RYR3: variants seen among roughly 807,000 people sequenced by gnomAD.
The protein encoded by RYR3 is brain ryanodine receptor-calcium release channel.
Under a neutral mutation model 584.3 loss-of-function variants are expected in RYR3, and 207 were observed. The ratio of observed to expected loss-of-function variants is 0.35; its 90% CI spans 0.32 to 0.40. The LOEUF (loss-of-function observed/expected upper bound fraction) is 0.40. Among genes scored for constraint, RYR3 ranks in the 10% least tolerant of loss-of-function variants. The pLI is 1.00. For synonymous variants in RYR3, 2,416 were observed against 2,248.5 expected (o/e 1.07, Z -2.11); for missense variants, 5,616 against 6,089.2 (o/e 0.92, Z 2.59).
At chr15:33,463,440 A>G (rs921425040) in intron 1 of RYR3, among the ~76,000 whole-genome samples, 2 of 152,104 alleles carry the variant, frequency 1.3e-5, no homozygotes, top group Non-Finnish European at 2.9e-5. Context: ...CAGTGTTACC[A>G]TTTTATAGAA....
At chr15:33,475,148 T>C (rs76447052) in intron 2 of RYR3, among the ~76,000 whole-genome samples, 1 of 152,214 alleles carries the variant, frequency 6.6e-6, no homozygotes, top group Non-Finnish European at 1.5e-5. Flanking sequence ...AACCATGAGC[T>C]ACTCATGTGA....
chr15:33,378,374 C>T (rs1470003977), intron 1 of RYR3, among the ~76,000 whole-genome samples: 1 of 152,164 alleles, frequency 6.6e-6, no homozygotes, highest in Non-Finnish European at 1.5e-5. Flanking sequence ...AGTGTTGCTT[C>T]CTGGGAGAAG....
At position 33,566,302 on chromosome 15, in the gene RYR3, A is replaced by G. The variant is rs190092841; in HGVS notation, c.1147-376A>G. ...GTCTTTTTCTTCAATTCATCTCTGGAGGAAAAGGCTTTGAACACAGTGACT... is the reference window on the plus strand; with the variant it reads ...GTCTTTTTCTTCAATTCATCTCTGGGGGAAAAGGCTTTGAACACAGTGACT... On this transcript the variant is annotated intron_variant, in intron 11 of 103. Coordinates refer to ENST00000634891, the MANE Select transcript of RYR3 (RefSeq NM_001036.6). 2.7e-3 allele frequency among the ~76,000 whole-genome samples: 404 copies of G among 152,338 alleles called. 1 individual carries two copies. The highest frequency in any genetic ancestry group is 4.8e-3 in the Non-Finnish European group (329 of 68,032).
chr15:33,323,076 C>G (rs541267968), intron 1 of RYR3, among the ~76,000 whole-genome samples: 157 of 151,600 alleles, frequency 1.0e-3, no homozygotes, highest in Non-Finnish European at 1.9e-3. Context: ...CATATTTTCT[C>G]TTCCGTGCTA....
intron 9 of RYR3, among the ~76,000 whole-genome samples, chr15:33,548,725 G>A (rs2056441119): frequency 6.6e-6 from 1 of 152,218 alleles, no homozygotes; most frequent in Non-Finnish European, 1.5e-5. Flanking sequence ...AGGAGGCTGA[G>A]ACTTTCCAGC....
At chr15:33,644,909 G>T (rs1323804204) in intron 28 of RYR3, among the ~76,000 whole-genome samples, 2 of 151,992 alleles carry the variant, frequency 1.3e-5, no homozygotes. Flanking sequence ...CTACTTGGGA[G>T]GCTGAGGTGG....
At chr15:33,567,640 T>A (rs936701887) in intron 12 of RYR3, among the ~76,000 whole-genome samples, 3 of 152,180 alleles carry the variant, frequency 2.0e-5, no homozygotes, top group South Asian at 2.1e-4. Flanking sequence ...ATAGGTGGCC[T>A]AGCTACTAGG....
intron 37 of RYR3, among the ~76,000 whole-genome samples, chr15:33,669,857 G>GT (rs55726756): frequency 0.3 from 17,822 of 59,824 alleles, 4,369 homozygotes; most frequent in South Asian, 0.39. Context: ...GGGGGGGGGG[G>GT]GTGTGGGTGT....
intron 1 of RYR3, among the ~76,000 whole-genome samples, chr15:33,465,036 T>C (rs2048372903): frequency 6.6e-6 from 1 of 152,180 alleles, no homozygotes; most frequent in Admixed American, 6.5e-5. Flanking sequence ...CCGTCCAGGA[T>C]CCAATAACAT....
rs565033705 is a variant in RYR3 at position 33,631,200 on chromosome 15, T to G, written c.2784-10T>G. ...GTTAACCTTAGTCTTCTCCTTCTGTTGTGTCACAGAACCCTCTTGGCCCTG... is the reference window on the plus strand; with the variant it reads ...GTTAACCTTAGTCTTCTCCTTCTGTGGTGTCACAGAACCCTCTTGGCCCTG... On this transcript the variant is annotated splice_polypyrimidine_tract_variant and intron_variant, in intron 22 of 103. Transcript: ENST00000634891. The G allele has an allele frequency of 6.0e-4, 925 of 1,543,082 alleles. 11 individuals are homozygous for G. In the South Asian group the frequency reaches 0.01, roughly 17 times the overall value.
In RYR3 at chr15:33,522,176, T is replaced by C. The variant is rs551937074; in HGVS notation, c.280-8416T>C. ...TACCCAGGAGGCTGACACAGGAGAA[T>C]TGCTGGAACCCAGGGGGCAGAGGCT... is the stretch of plus-strand genomic sequence containing the variant. On this transcript the variant is annotated intron_variant, in intron 3 of 103. Coordinates refer to ENST00000634891, the MANE Select transcript of RYR3 (RefSeq NM_001036.6). Among the ~76,000 whole-genome samples, 16 of 151,092 alleles carry C rather than the reference T, an allele frequency of 1.1e-4. No individual in the cohort carries two copies. In the South Asian group the frequency reaches 2.1e-3, roughly 20 times the overall value.
Position 33,311,803 on chromosome 15 carries a change from T to G in RYR3, c.51+707T>G, listed in dbSNP as rs1967353238. On this transcript the variant is annotated intron_variant, in intron 1 of 103. Transcript: ENST00000634891. The surrounding 1 kb of genome is among the most constrained non-coding windows in gnomAD (Gnocchi z 4.4). ...GGAAACCCCAGTCAGTGGCTCCGCGTCACTCAGGTCCCCTCCTTGACACCT... is the reference window on the plus strand; with the variant it reads ...GGAAACCCCAGTCAGTGGCTCCGCGGCACTCAGGTCCCCTCCTTGACACCT... 6.6e-6 allele frequency among the ~76,000 whole-genome samples: 1 copy of G among 152,214 alleles called. No homozygotes were observed. The highest frequency in any genetic ancestry group is 1.5e-5 in the Non-Finnish European group (1 of 68,030).
At chr15:33,739,243 G>T (rs1418363820) in intron 50 of RYR3, among the ~76,000 whole-genome samples, 3 of 152,188 alleles carry the variant, frequency 2.0e-5, no homozygotes, top group African/African-American at 7.2e-5. Context: ...CATGCACATA[G>T]CTTGTTCACC....
At chr15:33,586,215 T>C (rs557848323) in intron 16 of RYR3, 99 bp downstream of exon 16, 38 of 735,808 alleles carry the variant, frequency 5.2e-5, no homozygotes, top group African/African-American at 3.2e-4. Context: ...TTAGTCTTTC[T>C]TGACTTTGAT....
chr15:33,503,685 G>T lies in RYR3; in HGVS notation c.226G>T (p.Val76Phe), dbSNP rs1196648417. 16 of 1,613,292 alleles carry T rather than the reference G, an allele frequency of 9.9e-6. No homozygotes were observed. Among genetic ancestry groups the T allele is most frequent in the Non-Finnish European group, 1.3e-5 (15 of 1,179,696 alleles). The change falls in exon 3 of 104, where the codon GTC (valine) becomes TTC (phenylalanine). Residue 76 changes from valine to phenylalanine, a missense_variant. Physicochemically the swap from Val to Phe is conservative, Grantham distance 50 (BLOSUM62 -1). Around this residue, in one of 9 missense-constraint regions of RYR3, gnomAD observed 1,284 missense variants for 1,344.6 expected, o/e 0.95. Coordinates refer to ENST00000634891, the MANE Select transcript of RYR3 (RefSeq NM_001036.6). ...TTTTGTGCTGGAACAGTCCCTATCT[G>T]TCAGAGCCCTGCAGGAAATGCTTGC... The part of the protein sequence containing the change: ...CNFVLEQSLS[V>F]RALQEMLANT...
Position 33,841,983 on chromosome 15 carries a change from C to G in RYR3, c.13157C>G (p.Ala4386Gly). 6.2e-7 allele frequency: 1 copy of G among 1,603,644 alleles called. No homozygotes were observed. Among genetic ancestry groups the G allele is most frequent in the South Asian group, 1.1e-5 (1 of 88,846 alleles). ...GGTCAGAAGGTTGAGAAGCCGGAAG[C>G]TTTCACAGCCAATTTCTTTAAAGGG... ...RCGQKVEKPE[A>G]FTANFFKGLE... Residue 4386 changes from alanine to glycine, a missense_variant, in exon 91 of 104, where the codon GCT (alanine) becomes GGT (glycine). Transcript: ENST00000634891.
intron 27 of RYR3, among the ~76,000 whole-genome samples, chr15:33,643,882 G>A (rs1324319199): frequency 6.6e-6 from 1 of 151,976 alleles, no homozygotes; most frequent in Non-Finnish European, 1.5e-5. Context: ...TGTTTTTGTG[G>A]CAGAAAATCT....
chr15:33,859,907 A>G (rs1041964393), intron 100 of RYR3, among the ~76,000 whole-genome samples, 176 bp downstream of exon 100: 2 of 152,208 alleles, frequency 1.3e-5, no homozygotes, highest in African/African-American at 4.8e-5. Context: ...ATAAAGCCAA[A>G]TACACACCCA....
intron 16 of RYR3, among the ~76,000 whole-genome samples, chr15:33,587,390 C>T (rs1162373481): frequency 1.3e-5 from 2 of 152,110 alleles, no homozygotes; most frequent in African/African-American, 2.4e-5. Flanking sequence ...TCTCATTGCC[C>T]CAGAGGTTTC....
Sources: gnomAD v4.1 joint callset for allele counts (sites outside exome capture counted in the v4.1 genomes callset) on GRCh38, gnomAD v4.1.1 for gene constraint, gnomAD v4.1.1 regional missense constraint, Gnocchi (gnomAD v3.1) non-coding constraint, MANE v1.5 for transcripts, NCBI Gene and HGNC (gene_info 2026-07-23, HGNC 2026-07-21) for gene names.